Variants in NR3C2 observed in about 807,000 individuals in gnomAD.
NR3C2 encodes nuclear receptor subfamily 3 group C member 2.
NR3C2 carries 15 observed loss-of-function variants against 86.4 expected under a neutral mutation model. The ratio of observed to expected loss-of-function variants is 0.17; its 90% confidence interval spans 0.12 to 0.27. NR3C2 has a LOEUF of 0.27. Ranked by LOEUF, NR3C2 falls within the 10% of genes least tolerant of loss-of-function variation. The pLI, the probability that NR3C2 is intolerant of heterozygous loss-of-function variation, is 1.00. For missense variants in NR3C2, 960 were observed against 1,195.6 expected (o/e 0.80, Z 2.91); for synonymous variants, 458 against 450.5 (o/e 1.02, Z -0.21).
intron 4 of NR3C2, among the ~76,000 whole-genome samples, chr4:148,162,728 G>T (rs560937618): frequency 6.6e-6 from 1 of 152,304 alleles, no homozygotes; most frequent in Admixed American, 6.5e-5. Flanking sequence ...CATCTCTTAG[G>T]AAGAGCTGCA....
intron 8 of NR3C2, among the ~76,000 whole-genome samples, chr4:148,082,572 C>T (rs1730617007): frequency 6.6e-6 from 1 of 152,030 alleles, no homozygotes; most frequent in African/African-American, 2.4e-5. Context: ...AACCCATAGA[C>T]CAGGAGATTC....
chr4:148,251,179 G>C (rs1431519217), intron 3 of NR3C2, among the ~76,000 whole-genome samples: 1 of 151,852 alleles, frequency 6.6e-6, no homozygotes, highest in Non-Finnish European at 1.5e-5. Context: ...GGCTGGTCTC[G>C]AACTCCTGAG....
chr4:148,298,751 C>T (rs1271381281), intron 2 of NR3C2, among the ~76,000 whole-genome samples: 1 of 152,222 alleles, frequency 6.6e-6, no homozygotes, highest in East Asian at 1.9e-4. Context: ...TCTAGTTACC[C>T]TGCTTCAGAG....
chr4:148,362,654 GCA>G (rs1745898140), intron 2 of NR3C2, among the ~76,000 whole-genome samples: 1 of 152,124 alleles, frequency 6.6e-6, no homozygotes, highest in African/African-American at 2.4e-5. Context: ...AAGAAAATGG[GCA>G]CAGTTCCCAT....
chr4:148,139,188 C>G (rs887897395), intron 6 of NR3C2, among the ~76,000 whole-genome samples: 3 of 152,204 alleles, frequency 2.0e-5, no homozygotes, highest in Non-Finnish European at 4.4e-5. Context: ...AAGCTCTATA[C>G]TGTGTGTAAC....
rs1730434788 is a variant in NR3C2 at position 148,079,326 on chromosome 4, C to T, written c.*2018G>A. 6.6e-6 allele frequency: 1 copy of T among 152,198 alleles called. No homozygotes were observed. Among genetic ancestry groups the T allele is most frequent in the Admixed American group, 6.5e-5 (1 of 15,268 alleles). The allele number at this position is 152,198 out of a possible 1,614,324, so 9.4% of individuals were successfully genotyped here. ...GAAATTGCAAATTATGTAAGAAAAACTCCTCCCTCTGAGTGCAGCTTTCAC... is the reference window on the plus strand; with the variant it reads ...GAAATTGCAAATTATGTAAGAAAAATTCCTCCCTCTGAGTGCAGCTTTCAC... On this transcript the variant is annotated 3_prime_UTR_variant, in exon 9 of 9. Transcript: ENST00000358102.
intron 2 of NR3C2, among the ~76,000 whole-genome samples, chr4:148,317,958 C>A (rs1242538042): frequency 6.6e-6 from 1 of 151,162 alleles, no homozygotes; most frequent in Non-Finnish European, 1.5e-5. Context: ...ATGTGCCATG[C>A]TGGTGCGCTG....
At chr4:148,336,510 C>A (rs1453035788) in intron 2 of NR3C2, among the ~76,000 whole-genome samples, 3 of 152,074 alleles carry the variant, frequency 2.0e-5, no homozygotes, top group Middle Eastern at 3.2e-3. Context: ...GCGGCTTGGA[C>A]AATGGGGACT....
chr4:148,318,322 G>A (rs1259337903), intron 2 of NR3C2, among the ~76,000 whole-genome samples: 2 of 151,774 alleles, frequency 1.3e-5, no homozygotes, highest in East Asian at 1.9e-4. Flanking sequence ...TGTGAATAAT[G>A]CCGCAATAAA....
chr4:148,200,437 T>C (rs1736665441), intron 3 of NR3C2, among the ~76,000 whole-genome samples: 2 of 151,516 alleles, frequency 1.3e-5, no homozygotes, highest in Non-Finnish European at 2.9e-5. Flanking sequence ...AAGTTATCCA[T>C]GATTTACACC....
intron 4 of NR3C2, among the ~76,000 whole-genome samples, chr4:148,155,332 T>C (rs1734319849): frequency 6.6e-6 from 1 of 152,194 alleles, no homozygotes. Flanking sequence ...TGTCCCTGTT[T>C]GCAGACGACA....
chr4:148,282,682 GTCCCAGGGGACAAAAATA>G (rs1741309649), intron 2 of NR3C2, among the ~76,000 whole-genome samples: 1 of 152,140 alleles, frequency 6.6e-6, no homozygotes, highest in Admixed American at 6.5e-5. Context: ...AGGGGGTGCA[GTCCCAGGGGACAAAAATA>G]TCCTGATATT....
At chr4:148,242,128 G>A (rs1739083378) in intron 3 of NR3C2, among the ~76,000 whole-genome samples, 1 of 152,162 alleles carries the variant, frequency 6.6e-6, no homozygotes, top group African/African-American at 2.4e-5. Context: ...GGATGGTGGT[G>A]ATATGGTTGC....
chr4:148,232,664 G>C (rs1322564709), intron 3 of NR3C2, among the ~76,000 whole-genome samples: 5 of 152,166 alleles, frequency 3.3e-5, no homozygotes, highest in African/African-American at 9.7e-5. Flanking sequence ...TTTGAATCTA[G>C]GCACTGTCTT....
chr4:148,347,680 T>G (rs1050510361), intron 2 of NR3C2, among the ~76,000 whole-genome samples: 2 of 152,142 alleles, frequency 1.3e-5, no homozygotes, highest in Non-Finnish European at 2.9e-5. Context: ...GTTTACTGAG[T>G]ACCTACGCAT....
At chr4:148,284,692 C>G (rs1476337631) in intron 2 of NR3C2, among the ~76,000 whole-genome samples, 5 of 152,158 alleles carry the variant, frequency 3.3e-5, no homozygotes, top group African/African-American at 9.7e-5. Flanking sequence ...GTTACACTGA[C>G]ATGCAGAGAG....
intron 8 of NR3C2, among the ~76,000 whole-genome samples, chr4:148,089,890 A>C (rs1209722290): frequency 6.6e-6 from 1 of 152,210 alleles, no homozygotes; most frequent in Non-Finnish European, 1.5e-5. Context: ...GAGTCCCTCC[A>C]TGTGGGTGCC....
chr4:148,255,116 G>A (rs984874348), intron 3 of NR3C2, among the ~76,000 whole-genome samples: 1 of 151,876 alleles, frequency 6.6e-6, no homozygotes, highest in African/African-American at 2.4e-5. Flanking sequence ...ACCCTCACTT[G>A]TTCTTCCCTC....
At chr4:148,366,942 A>G (rs1746173984) in intron 2 of NR3C2, among the ~76,000 whole-genome samples, 1 of 151,790 alleles carries the variant, frequency 6.6e-6, no homozygotes, top group East Asian at 1.9e-4. Context: ...AAACTACTTC[A>G]CTCCTATGAT....
Sources: allele counts gnomAD v4.1 joint callset (sites outside exome capture counted in the v4.1 genomes callset), GRCh38; gene constraint gnomAD v4.1.1; transcripts MANE v1.5; gene names NCBI Gene and HGNC (gene_info 2026-07-23, HGNC 2026-07-21).